The following ZBTB7C variants were observed in gnomAD, a reference collection of about 807,000 sequenced individuals.
ZBTB7C encodes the protein zinc finger and BTB domain containing 7C.
In ZBTB7C, 8 loss-of-function variants were observed where a neutral mutation model predicts 25.7. That is an observed-to-expected ratio of 0.31 (90% CI 0.18 to 0.56). ZBTB7C has a LOEUF of 0.56. Among genes scored for constraint, ZBTB7C ranks in the 20% least tolerant of loss-of-function variants. The pLI, the probability that ZBTB7C is intolerant of heterozygous loss-of-function variation, is 0.91. For synonymous variants in ZBTB7C, 394 were observed against 369.0 expected (o/e 1.07, Z -0.78); for missense variants, 824 against 855.2 (o/e 0.96, Z 0.46).
chr18:48,068,251 G>A (rs897221452), intron 3 of ZBTB7C, among the ~76,000 whole-genome samples: 3 of 146,474 alleles, frequency 2.0e-5, no homozygotes, highest in African/African-American at 7.6e-5. Context: ...CCATTCTCTT[G>A]CCTCAGCCTC....
intron 3 of ZBTB7C, among the ~76,000 whole-genome samples, chr18:48,072,848 C>A (rs1410431872): frequency 6.6e-6 from 1 of 152,184 alleles, no homozygotes; most frequent in African/African-American, 2.4e-5. Context: ...TGGGCTGGGA[C>A]CCCAGATGTT....
intron 2 of ZBTB7C, among the ~76,000 whole-genome samples, chr18:48,283,440 T>C (rs776063169): frequency 7.9e-5 from 12 of 152,184 alleles, no homozygotes; most frequent in Non-Finnish European, 1.5e-4. Context: ...AATAAATAAA[T>C]GCAAACACCC....
rs1306139557 is a variant in ZBTB7C, at chr18:48,039,987, A to C, written c.1121T>G (p.Met374Arg). 1 of 1,614,070 alleles carries C rather than the reference A, an allele frequency of 6.2e-7. No individual in the cohort carries two copies. The highest frequency in any genetic ancestry group is 1.1e-5 in the South Asian group (1 of 91,084). The change falls in exon 4 of 5, where the codon ATG (methionine) becomes AGG (arginine). Residue 374 changes from methionine (M) to arginine (R), a missense_variant. By Grantham distance (91) the Met-to-Arg change is moderately conservative (BLOSUM62 -1). Around this residue, in one of 4 missense-constraint regions of ZBTB7C, gnomAD observed 49 missense variants for 81.3 expected, o/e 0.60. Transcript: ENST00000590800. Reference protein sequence around the residue: ...QQCPICHKVIMGAGKLPRHMR... With the variant: ...QQCPICHKVIRGAGKLPRHMR... ...GTGCCGCGGCAGCTTCCCGGCCCCC[A>C]TGATGACTTTGTGGCAGATGGGGCA...
chr18:48,089,286 T>C (rs985431475), intron 3 of ZBTB7C, among the ~76,000 whole-genome samples: 1 of 151,640 alleles, frequency 6.6e-6, no homozygotes, highest in African/African-American at 2.4e-5. Flanking sequence ...CTGGCCAACA[T>C]GGTGAAACCT....
chr18:48,336,318 C>T (rs765691500), intron 2 of ZBTB7C, among the ~76,000 whole-genome samples: 1 of 152,198 alleles, frequency 6.6e-6, no homozygotes, highest in Non-Finnish European at 1.5e-5. Flanking sequence ...CTGGCTCTCA[C>T]CCCCCACCAG....
intron 3 of ZBTB7C, among the ~76,000 whole-genome samples, chr18:48,053,685 C>T (rs1598788259): frequency 6.6e-6 from 1 of 152,254 alleles, no homozygotes; most frequent in East Asian, 1.9e-4. Context: ...TCTCTCTCAG[C>T]TACTGCAGTA....
At chr18:48,201,110 C>T (rs1040321507) in intron 2 of ZBTB7C, among the ~76,000 whole-genome samples, 1 of 152,210 alleles carries the variant, frequency 6.6e-6, no homozygotes, top group Non-Finnish European at 1.5e-5. Context: ...AAAGACATGG[C>T]TACATAAGTA....
chr18:48,203,607 C>G (rs2042508014), intron 2 of ZBTB7C: 1 of 152,288 alleles, frequency 6.6e-6, no homozygotes, highest in South Asian at 2.1e-4. Context: ...GTGTGACCTT[C>G]TCAGGGCTAA....
chr18:48,040,453 G>C lies in ZBTB7C; in HGVS notation c.655C>G (p.Leu219Val). ...ATGGAGAAGTCCCGGATCACCCCCA[G>C]ATGGCCAGGACTGCCAGCCTGGAAG... ...DSFQAGSPGHLGVIRDFSIES... is the reference protein window; with the variant it reads ...DSFQAGSPGHVGVIRDFSIES... Residue 219 changes from leucine (L) to valine (V), a missense_variant, in exon 4 of 5, where the codon CTG (leucine) becomes GTG (valine). Transcript: ENST00000590800. The C allele has an allele frequency of 1.9e-6, 3 of 1,607,762 alleles. No homozygotes were observed. The highest frequency in any genetic ancestry group is 2.5e-6 in the Non-Finnish European group (3 of 1,176,640).
At chr18:48,152,217 C>T (rs1347636806) in intron 3 of ZBTB7C, among the ~76,000 whole-genome samples, 2 of 152,132 alleles carry the variant, frequency 1.3e-5, no homozygotes, top group Non-Finnish European at 2.9e-5. Context: ...CTTAAATCCC[C>T]AGCTAAACCA....
intron 1 of ZBTB7C, among the ~76,000 whole-genome samples, chr18:48,407,462 A>G (rs965800557): frequency 1.3e-5 from 2 of 152,226 alleles, no homozygotes; most frequent in African/African-American, 2.4e-5. Context: ...GCTGGCAAGC[A>G]TGGATTTAGA....
intron 2 of ZBTB7C, among the ~76,000 whole-genome samples, chr18:48,296,302 C>A (rs1487751198): frequency 6.6e-6 from 1 of 152,196 alleles, no homozygotes; most frequent in Non-Finnish European, 1.5e-5. Context: ...CTCCTCTAGG[C>A]TCCCTTTCTG....
Position 48,313,371 on chromosome 18 carries a change from G to A in ZBTB7C, c.-79+24803C>T, listed in dbSNP as rs573658547. Among the ~76,000 whole-genome samples the A allele has an allele frequency of 2.6e-5, 4 of 152,340 alleles. No individual in the cohort carries two copies. The South Asian group carries it at 8.3e-4, about 32-fold the overall frequency. On this transcript the variant is annotated intron_variant, in intron 2 of 4. Coordinates refer to ENST00000590800, the MANE Select transcript of ZBTB7C (RefSeq NM_001318841.2). ...GCCTAGGGCAGTGGTTCTCAAGCCT[G>A]CCTGGGAATTAGATCACCTTGGTGC... is the stretch of plus-strand genomic sequence containing the variant.
intron 2 of ZBTB7C, among the ~76,000 whole-genome samples, chr18:48,258,477 T>C (rs1210852346): frequency 6.6e-6 from 1 of 152,144 alleles, no homozygotes; most frequent in Non-Finnish European, 1.5e-5. Context: ...AACACCAAAA[T>C]ATATAAAATG....
intron 2 of ZBTB7C, among the ~76,000 whole-genome samples, chr18:48,255,611 G>T (rs1944584): frequency 0.095 from 14,384 of 152,096 alleles, 1,101 homozygotes; most frequent in African/African-American, 0.2. Flanking sequence ...AGTCCTATCT[G>T]CTTTAATCTT....
intron 3 of ZBTB7C, among the ~76,000 whole-genome samples, chr18:48,113,520 G>A (rs954650730): frequency 2.6e-5 from 4 of 152,234 alleles, no homozygotes; most frequent in African/African-American, 9.6e-5. Context: ...GAGGTGCCCC[G>A]GCTGGCCCAG....
At chr18:48,128,857 A>AAAT (rs1205076940) in intron 3 of ZBTB7C, among the ~76,000 whole-genome samples, 1 of 128,426 alleles carries the variant, frequency 7.8e-6, no homozygotes, top group Non-Finnish European at 1.8e-5. Context: ...AAAGCTATTG[A>AAAT]AATAAATTTT....
chr18:48,201,413 T>C (rs1298978817), intron 2 of ZBTB7C, among the ~76,000 whole-genome samples: 1 of 152,154 alleles, frequency 6.6e-6, no homozygotes, highest in Non-Finnish European at 1.5e-5. Context: ...TGATCGGGGC[T>C]CCTCTGATGT....
intron 3 of ZBTB7C, among the ~76,000 whole-genome samples, chr18:48,101,345 G>A (rs1032010147): frequency 1.3e-5 from 2 of 152,196 alleles, no homozygotes; most frequent in Non-Finnish European, 2.9e-5. Flanking sequence ...AAATGTTCCA[G>A]CAGTCACACT....
Sources: allele counts gnomAD v4.1 joint callset (sites outside exome capture counted in the v4.1 genomes callset), GRCh38; gene constraint gnomAD v4.1.1; regional missense constraint gnomAD v4.1.1; transcripts MANE v1.5; gene names NCBI Gene and HGNC (gene_info 2026-07-23, HGNC 2026-07-21).